RASL12: variants seen among roughly 807,000 people sequenced by gnomAD.
RASL12 encodes the protein ras-like protein family member 12.
In RASL12, 16 loss-of-function variants were observed where a neutral mutation model predicts 22.9. That is an observed-to-expected ratio of 0.70 (90% CI 0.47 to 1.06). The LOEUF (loss-of-function observed/expected upper bound fraction) is 1.06. Among genes scored for constraint, RASL12 ranks in the 50% least tolerant of loss-of-function variants. RASL12 has a pLI of 0.00. For missense variants in RASL12, 306 were observed against 353.1 expected, an observed-to-expected ratio of 0.87 and a Z score of 1.07; for synonymous variants, 159 against 152.2, an observed-to-expected ratio of 1.04 and a Z score of -0.33.
intron 1 of RASL12, among the ~76,000 whole-genome samples, chr15:65,074,926 C>A (rs550314537): frequency 2.2e-3 from 340 of 152,348 alleles, no homozygotes; most frequent in African/African-American, 7.4e-3. Context: ...TTTGGCGGCA[C>A]TTGTGGAGCC....
intron 1 of RASL12, among the ~76,000 whole-genome samples, chr15:65,073,627 T>G (rs2140539291): frequency 6.6e-6 from 1 of 152,304 alleles, no homozygotes; most frequent in East Asian, 1.9e-4. Context: ...GGCCCCAGGG[T>G]TGGGGACCCC....
chr15:65,047,209 G>A, the RASL12 span, among the ~76,000 whole-genome samples: 2 of 151,744 alleles, frequency 1.3e-5, no homozygotes, highest in Non-Finnish European at 2.9e-5. Context: ...GGTGGCACAT[G>A]CCTGTAGTCC....
chr15:65,054,717 A>G lies in RASL12; in HGVS notation c.*182T>C. 7.0e-7 allele frequency: 1 copy of G among 1,427,744 alleles called. No individual in the cohort carries two copies. The highest frequency in any genetic ancestry group is 9.1e-7 in the Non-Finnish European group (1 of 1,094,706). 88.4% of individuals were successfully genotyped at this position (1,427,744 alleles called of 1,614,324 possible). ...CCATGAAGACCAAGGCCTGGAGGGA[A>G]CAGAAGCAGCATCCCTGCCTGCCAC... On this transcript the variant is annotated 3_prime_UTR_variant, in exon 5 of 5. Coordinates refer to ENST00000220062, the MANE Select transcript of RASL12 (RefSeq NM_016563.4).
rs982628086 is a variant in RASL12 at position 65,054,141 on chromosome 15, T to C, written c.*758A>G. 2 of 985,850 alleles carry C rather than the reference T, an allele frequency of 2.0e-6. No homozygotes were observed. Among genetic ancestry groups the C allele is most frequent in the Admixed American group, 6.1e-5 (1 of 16,262 alleles). The allele number at this position is 985,850 out of a possible 1,614,324, so 61.1% of individuals were successfully genotyped here. A position where few individuals can be genotyped will look rare whatever the true frequency, so the allele number is the denominator to read the frequency against. On this transcript the variant is annotated 3_prime_UTR_variant, in exon 5 of 5. Transcript: ENST00000220062. ...TCTTCTGCAGCCTGGATCATTAAGC[T>C]TGAGGGAGCTGATGCTGAGGTTCTT...
At chr15:65,050,089 C>A, downstream of RASL12, 3 of 1,551,436 alleles carry the variant, frequency 1.9e-6, no homozygotes, top group Non-Finnish European at 2.6e-6. Flanking sequence ...TTGGTTTTTT[C>A]GTGTGGAAGA....
intron 1 of RASL12, among the ~76,000 whole-genome samples, 194 bp from the exon 2 acceptor site, chr15:65,065,467 A>G (rs768905983): frequency 1.8e-4 from 28 of 152,152 alleles, no homozygotes; most frequent in Non-Finnish European, 3.5e-4. Context: ...CGGGGAGCCA[A>G]GTGCCTCTAA....
At chr15:65,046,116 T>C in the RASL12 span, among the ~76,000 whole-genome samples, 1 of 152,024 alleles carries the variant, frequency 6.6e-6, no homozygotes, top group Non-Finnish European at 1.5e-5. Flanking sequence ...GCCTGGCCAA[T>C]GTGGTGAAAT....
chr15:65,048,437 A>G (rs1255188196), downstream of RASL12, among the ~76,000 whole-genome samples: 3 of 152,294 alleles, frequency 2.0e-5, no homozygotes, highest in Admixed American at 2.0e-4. Flanking sequence ...GCTGTTTGCC[A>G]TCTAGCTGTT....
At chr15:65,066,635 G>A (rs2086882509) in intron 1 of RASL12, among the ~76,000 whole-genome samples, 1 of 152,126 alleles carries the variant, frequency 6.6e-6, no homozygotes, top group African/African-American at 2.4e-5. Flanking sequence ...TTTCTTTTAT[G>A]TAGTCACTGG....
intron 1 of RASL12, among the ~76,000 whole-genome samples, chr15:65,066,291 C>A (rs1595909030): frequency 6.6e-6 from 1 of 151,860 alleles, no homozygotes; most frequent in Non-Finnish European, 1.5e-5. Context: ...TAATGGGATG[C>A]CTGTAATTCC....
chr15:65,049,991 C>T (rs1345610473), downstream of RASL12: 1 of 1,547,402 alleles, frequency 6.5e-7, no homozygotes, highest in Admixed American at 2.0e-5. Context: ...GCACACGCTA[C>T]CAGGAGCAGG....
intron 2 of RASL12, among the ~76,000 whole-genome samples, chr15:65,063,092 C>A (rs2086831552): frequency 6.6e-6 from 1 of 152,114 alleles, no homozygotes; most frequent in Non-Finnish European, 1.5e-5. Context: ...AAACCACCAC[C>A]CTAATAGGCT....
chr15:65,057,262 A>C (rs1005151815), intron 4 of RASL12, among the ~76,000 whole-genome samples: 1 of 152,192 alleles, frequency 6.6e-6, no homozygotes, highest in Non-Finnish European at 1.5e-5. Context: ...AGCAGGACTG[A>C]CCAACCGTGA....
chr15:65,052,929 C>CGGGG, downstream of RASL12: 2 of 1,599,014 alleles, frequency 1.3e-6, no homozygotes, highest in Non-Finnish European at 1.7e-6. Context: ...CCCAACCACT[C>CGGGG]AGCCCCCCTC....
chr15:65,062,724 G>C (rs923867911), intron 2 of RASL12, among the ~76,000 whole-genome samples: 39 of 152,314 alleles, frequency 2.6e-4, no homozygotes, highest in African/African-American at 8.9e-4. Context: ...ACCTAGGAAG[G>C]GCTTAGAGAG....
At position 65,055,036 on chromosome 15, in the gene RASL12, T is replaced by G; in HGVS notation, c.664A>C (p.Asn222His). ...TTCAGGTTGATGGTGGAGAGCGTGTTGAAGGTGCAGCTGGCCAGCCCATGC... is the reference window on the plus strand; with the variant it reads ...TTCAGGTTGATGGTGGAGAGCGTGTGGAAGGTGCAGCTGGCCAGCCCATGC... ...ARHGLASCTF[N>H]TLSTINLKEM... The change falls in exon 5 of 5, where the codon AAC becomes CAC. Residue 222 changes from asparagine (N) to histidine (H), a missense_variant. Transcript: ENST00000220062. 6.2e-7 allele frequency: 1 copy of G among 1,613,798 alleles called. No homozygotes were observed. The highest frequency in any genetic ancestry group is 1.1e-5 in the South Asian group (1 of 91,020).
chr15:65,051,731 C>G, downstream of RASL12: 2 of 784,300 alleles, frequency 2.6e-6, no homozygotes, highest in South Asian at 1.6e-5. Flanking sequence ...CAGCAAAATT[C>G]AGCCTTCAGT....
At chr15:65,076,601 C>T (rs1269386638) in exon 1 of RASL12, 1 of 704,714 alleles carries the variant, frequency 1.4e-6, no homozygotes, top group African/African-American at 1.7e-5. Context: ...ATTACCATTT[C>T]TTCTAAGGAT....
At chr15:65,069,282 A>G (rs2086914896), upstream of RASL12, among the ~76,000 whole-genome samples, 1 of 152,186 alleles carries the variant, frequency 6.6e-6, no homozygotes, top group Admixed American at 6.5e-5. Flanking sequence ...TAGTGGGTGG[A>G]ATTTGTTTAG....
Sources: gnomAD v4.1 joint callset for allele counts (sites outside exome capture counted in the v4.1 genomes callset) on GRCh38, gnomAD v4.1.1 for gene constraint, MANE v1.5 for transcripts, NCBI Gene and HGNC (gene_info 2026-07-23, HGNC 2026-07-21) for gene names.